ITGA9: variants seen among roughly 807,000 people sequenced by gnomAD.
ITGA9 encodes the protein integrin subunit alpha 9.
Under a neutral mutation model 127.8 loss-of-function variants are expected in ITGA9, and 56 were observed. The observed-to-expected ratio is 0.44, with a 90% CI of 0.35 to 0.55. The LOEUF (loss-of-function observed/expected upper bound fraction) is 0.55. ITGA9 is among the 20% of genes least tolerant of loss of function. The pLI is 0.00. For missense variants in ITGA9, 1,196 were observed against 1,347.1 expected, an observed-to-expected ratio of 0.89 and a Z score of 1.76; for synonymous variants, 508 against 514.5, an observed-to-expected ratio of 0.99 and a Z score of 0.17.
At chr3:37,606,767 C>T (rs973669177) in intron 15 of ITGA9, among the ~76,000 whole-genome samples, 11 of 152,150 alleles carry the variant, frequency 7.2e-5, no homozygotes, top group African/African-American at 1.9e-4. Flanking sequence ...ACCACTACTC[C>T]GAGCATGGGC....
chr3:37,677,168 G>A (rs557746870), intron 17 of ITGA9, among the ~76,000 whole-genome samples: 1 of 152,312 alleles, frequency 6.6e-6, no homozygotes, highest in South Asian at 2.1e-4. Context: ...GTGCCTGACA[G>A]TCCTCACTTA....
chr3:37,612,055 A>T (rs1700022206), intron 15 of ITGA9, among the ~76,000 whole-genome samples: 1 of 152,098 alleles, frequency 6.6e-6, no homozygotes, highest in Non-Finnish European at 1.5e-5. Flanking sequence ...GTAATGGATG[A>T]TATATTTTTA....
chr3:37,494,705 C>G (rs1156857118), intron 5 of ITGA9, 137 bp downstream of exon 5: 2 of 752,650 alleles, frequency 2.7e-6, no homozygotes, highest in East Asian at 5.4e-5. Context: ...TTCTGGTCCT[C>G]ACACCAGAGG....
At chr3:37,675,180 G>A (rs1700669549) in intron 17 of ITGA9, among the ~76,000 whole-genome samples, 1 of 152,214 alleles carries the variant, frequency 6.6e-6, no homozygotes, top group Admixed American at 6.5e-5. Context: ...GGGAGTAGAT[G>A]TGCAGCCCCC....
intron 7 of ITGA9, among the ~76,000 whole-genome samples, chr3:37,508,117 A>T (rs1698864144): frequency 6.6e-6 from 1 of 152,240 alleles, no homozygotes; most frequent in Non-Finnish European, 1.5e-5. Flanking sequence ...CTTTGTCTAC[A>T]GTACTCATCT....
intron 15 of ITGA9, among the ~76,000 whole-genome samples, chr3:37,603,494 A>T (rs992857680): frequency 4.6e-5 from 7 of 152,274 alleles, no homozygotes; most frequent in Non-Finnish European, 8.8e-5. Flanking sequence ...CCCCATGGAC[A>T]TTGAGGAATG....
At chr3:37,503,868 C>A (rs1266145163) in intron 6 of ITGA9, among the ~76,000 whole-genome samples, 1 of 152,224 alleles carries the variant, frequency 6.6e-6, no homozygotes, top group Non-Finnish European at 1.5e-5. Flanking sequence ...GGGACAAGGT[C>A]CATGCCAATT....
At chr3:37,649,079 A>G (rs545625487) in intron 16 of ITGA9, among the ~76,000 whole-genome samples, 1 of 151,318 alleles carries the variant, frequency 6.6e-6, no homozygotes, top group East Asian at 1.9e-4. Context: ...TGGAAGTTAT[A>G]TATATAAAAA....
At chr3:37,589,143 G>A (rs1699788258) in intron 15 of ITGA9, among the ~76,000 whole-genome samples, 1 of 152,186 alleles carries the variant, frequency 6.6e-6, no homozygotes, top group South Asian at 2.1e-4. Flanking sequence ...TTGTGTAGGT[G>A]GAAGATGAGA....
In ITGA9 at chr3:37,513,832, G is replaced by T. The variant is rs751444216; in HGVS notation, c.967G>T (p.Val323Leu). 7.4e-6 allele frequency: 12 copies of T among 1,613,808 alleles called. No homozygotes were observed. Among genetic ancestry groups the T allele is most frequent in the Non-Finnish European group, 1.0e-5 (12 of 1,180,036 alleles). Residue 323 changes from valine to leucine, a missense_variant, in exon 9 of 28, where the codon GTG (valine) becomes TTG (leucine). Coordinates refer to ENST00000264741, the MANE Select transcript of ITGA9 (RefSeq NM_002207.3). ...LNGDGLSDLL[V>L]GAPMFSEIRD... The stretch of plus-strand genomic sequence containing the variant: ...TGGGGACGGCCTCTCTGACCTGCTG[G>T]TGGGGGCCCCCATGTTTTCTGAGAT...
At chr3:37,668,018 C>T (rs1700601988) in intron 17 of ITGA9, among the ~76,000 whole-genome samples, 1 of 151,960 alleles carries the variant, frequency 6.6e-6, no homozygotes, top group Non-Finnish European at 1.5e-5. Flanking sequence ...GACCGCCACC[C>T]AAGGACGTTT....
intron 16 of ITGA9, among the ~76,000 whole-genome samples, chr3:37,638,507 G>A (rs892246147): frequency 6.6e-6 from 1 of 151,818 alleles, no homozygotes; most frequent in Admixed American, 6.6e-5. Context: ...TTGAGGAGGA[G>A]GAAAGATTCT....
intron 3 of ITGA9, among the ~76,000 whole-genome samples, chr3:37,478,339 G>A (rs1446960538): frequency 6.6e-6 from 1 of 152,184 alleles, no homozygotes; most frequent in African/African-American, 2.4e-5. Context: ...CTTTGTGGCC[G>A]AAGCACCCGG....
intron 11 of ITGA9, among the ~76,000 whole-genome samples, chr3:37,520,498 GT>G (rs145884245): frequency 0.045 from 6,884 of 152,214 alleles, 435 homozygotes; most frequent in African/African-American, 0.15. Context: ...CCTGAAACTT[GT>G]TATCGTAACC....
At chr3:37,749,396 A>G (rs1665753851) in intron 22 of ITGA9, 1 of 153,072 alleles carries the variant, frequency 6.5e-6, no homozygotes, top group Non-Finnish European at 1.5e-5. Context: ...CCCTGGCCAC[A>G]TAACATTCAC....
chr3:37,535,794 C>T (rs532622834), intron 14 of ITGA9, among the ~76,000 whole-genome samples: 17 of 152,284 alleles, frequency 1.1e-4, no homozygotes, highest in African/African-American at 4.1e-4. Flanking sequence ...ATTTTGATAT[C>T]TCAATATAAT....
chr3:37,612,151 A>G (rs1700023149), intron 15 of ITGA9, among the ~76,000 whole-genome samples: 1 of 152,216 alleles, frequency 6.6e-6, no homozygotes, highest in South Asian at 2.1e-4. Context: ...CAAAAACCAG[A>G]GGATGGTCTC....
intron 26 of ITGA9, among the ~76,000 whole-genome samples, chr3:37,800,631 A>T (rs1697225926): frequency 1.3e-5 from 2 of 152,210 alleles, no homozygotes; most frequent in African/African-American, 2.4e-5. Context: ...TGGATTTAGG[A>T]TGACAGACTT....
intron 14 of ITGA9, among the ~76,000 whole-genome samples, chr3:37,533,800 C>T (rs1699182424): frequency 6.6e-6 from 1 of 152,190 alleles, no homozygotes; most frequent in South Asian, 2.1e-4. Flanking sequence ...CCTTAGGGAA[C>T]ATTCGAGCAG....
Sources: allele counts gnomAD v4.1 joint callset (sites outside exome capture counted in the v4.1 genomes callset), GRCh38; gene constraint gnomAD v4.1.1; transcripts MANE v1.5; gene names NCBI Gene and HGNC (gene_info 2026-07-23, HGNC 2026-07-21).